The following AKAP13 variants were observed in gnomAD, a reference collection of about 807,000 sequenced individuals.
The protein encoded by AKAP13 is A-kinase anchoring protein 13.
Under a neutral mutation model 264.5 loss-of-function variants are expected in AKAP13, and 80 were observed. The observed-to-expected ratio is 0.30, with a 90% CI of 0.25 to 0.36. The LOEUF is 0.36. Among genes scored for constraint, AKAP13 ranks in the 10% least tolerant of loss-of-function variants. The pLI is 1.00. For missense variants in AKAP13, 3,712 were observed against 3,435.2 expected (o/e 1.08, Z -2.01); for synonymous variants, 1,380 against 1,250.2 (o/e 1.10, Z -2.19).
At chr15:85,714,991 C>G (rs2086844611) in intron 19 of AKAP13, among the ~76,000 whole-genome samples, 1 of 152,066 alleles carries the variant, frequency 6.6e-6, no homozygotes, top group African/African-American at 2.4e-5. Flanking sequence ...TTCTTTCAAT[C>G]TTATTTGCAG....
In AKAP13 at chr15:85,581,152, A is replaced by G. The variant is rs747158640; in HGVS notation, c.3084A>G (p.Ser1028=). 2 of 1,614,100 alleles carry G rather than the reference A, an allele frequency of 1.2e-6. No individual in the cohort carries two copies. The highest frequency in any genetic ancestry group is 2.2e-5 in the East Asian group (1 of 44,872). Residue 1028 remains serine, a synonymous_variant, in exon 7 of 37, where the codon TCA becomes TCG. Coordinates refer to ENST00000394518, the MANE Select transcript of AKAP13 (RefSeq NM_007200.5). ...VPPGASLATE[S]RQEALGAEHN... The stretch of plus-strand genomic sequence containing the variant: ...CAGGAGCAAGTCTGGCCACAGAGTC[A>G]AGGCAGGAAGCCTTGGGGGCAGAGC...
chr15:85,683,422 T>C (rs1047274873), intron 15 of AKAP13: 1 of 152,200 alleles, frequency 6.6e-6, no homozygotes, highest in Non-Finnish European at 1.5e-5. Flanking sequence ...ATGGATGCCT[T>C]TTCTATATAA....
intron 14 of AKAP13, among the ~76,000 whole-genome samples, chr15:85,678,202 GA>G (rs1215240216): frequency 6.6e-6 from 1 of 152,072 alleles, no homozygotes; most frequent in Non-Finnish European, 1.5e-5. Context: ...ACTTATAATA[GA>G]AAGTTAAATA....
At chr15:85,575,782 C>T (rs2078990419) in intron 6 of AKAP13, among the ~76,000 whole-genome samples, 1 of 152,088 alleles carries the variant, frequency 6.6e-6, no homozygotes, top group Non-Finnish European at 1.5e-5. Context: ...ATCACTTGAG[C>T]TCAGGAGTTT....
intron 11 of AKAP13, 81 bp from the exon 12 acceptor site, chr15:85,658,456 G>GT (rs914949761): frequency 1.7e-6 from 2 of 1,204,834 alleles, no homozygotes; most frequent in Non-Finnish European, 2.4e-6. Context: ...TCTCTCCCCA[G>GT]TGTGGTGTCT....
intron 7 of AKAP13, among the ~76,000 whole-genome samples, chr15:85,584,473 C>T (rs2079256980): frequency 6.6e-6 from 1 of 152,214 alleles, no homozygotes; most frequent in Non-Finnish European, 1.5e-5. Flanking sequence ...ATTACTCTGA[C>T]TCACTTAGAG....
chr15:85,571,700 G>T (rs2078823460), intron 5 of AKAP13, among the ~76,000 whole-genome samples: 1 of 152,342 alleles, frequency 6.6e-6, no homozygotes, highest in Admixed American at 6.5e-5. Context: ...TTGTTCGACA[G>T]AACAGGGATT....
At chr15:85,541,863 T>A (rs939475938) in intron 4 of AKAP13, among the ~76,000 whole-genome samples, 11 of 152,202 alleles carry the variant, frequency 7.2e-5, no homozygotes, top group Non-Finnish European at 1.6e-4. Flanking sequence ...GCTAAGACTT[T>A]CAGAAATTGA....
At chr15:85,554,553 ACTTACC>A (rs1422727202) in intron 5 of AKAP13, among the ~76,000 whole-genome samples, 5 of 151,822 alleles carry the variant, frequency 3.3e-5, no homozygotes, top group African/African-American at 4.8e-5. Flanking sequence ...GTTGCTTGAC[ACTTACC>A]CCACAAGCAG....
At chr15:85,403,191 T>G (rs1399386232) in intron 1 of AKAP13, among the ~76,000 whole-genome samples, 2 of 152,186 alleles carry the variant, frequency 1.3e-5, no homozygotes, top group East Asian at 1.9e-4. Flanking sequence ...CCTAAAAGAA[T>G]AATAGATATG....
intron 2 of AKAP13, among the ~76,000 whole-genome samples, chr15:85,490,172 G>A (rs1013682952): frequency 1.3e-5 from 2 of 152,194 alleles, no homozygotes; most frequent in Admixed American, 1.3e-4. Flanking sequence ...TTAGAGAGAG[G>A]AAAGATGGAG....
At chr15:85,406,743 G>A (rs552131126) in intron 1 of AKAP13, among the ~76,000 whole-genome samples, 2 of 151,724 alleles carry the variant, frequency 1.3e-5, no homozygotes, top group Non-Finnish European at 2.9e-5. Flanking sequence ...TTGTTTCTTT[G>A]CTAATTTTTG....
rs202022396 is a variant in AKAP13, at chr15:85,740,904, TTA to T, written c.7609-140_7609-139del. 1.3e-3 allele frequency: 1,870 copies of T among 1,392,358 alleles called. 22 individuals are homozygous for T. In the African/African-American group the frequency reaches 0.024, roughly 18 times the overall value. 86.3% of individuals were successfully genotyped at this position (1,392,358 alleles called of 1,614,324 possible). On this transcript the variant is annotated intron_variant, in intron 34 of 36. Transcript: ENST00000394518. ...CAGCTGCAATTATCCTGGAGCATTT[TTA>T]TGAGACGGGCTTGAAAAATGAGGGG...
chr15:85,744,208 CAA>C, intron 36 of AKAP13: 1 of 298,878 alleles, frequency 3.3e-6, no homozygotes, highest in Non-Finnish European at 6.3e-6. Flanking sequence ...CTGCTAACCC[CAA>C]GAGAAGTGAG....
At chr15:85,670,617 T>C (rs1301810076) in intron 14 of AKAP13, 1 of 151,488 alleles carries the variant, frequency 6.6e-6, no homozygotes, top group Non-Finnish European at 1.5e-5. Flanking sequence ...CATATCTCTT[T>C]AGTCCACTTT....
intron 36 of AKAP13, chr15:85,744,426 A>G (rs2089297658): frequency 3.4e-6 from 2 of 589,938 alleles, no homozygotes; most frequent in Non-Finnish European, 6.0e-6. Context: ...TTAAAAGTTA[A>G]AGGGAGCATT....
intron 16 of AKAP13, chr15:85,689,872 A>G (rs1217414079): frequency 6.6e-6 from 1 of 152,248 alleles, no homozygotes; most frequent in Non-Finnish European, 1.5e-5. Context: ...TGTCTTAAGG[A>G]AACAAGCAGC....
intron 14 of AKAP13, chr15:85,676,911 C>CGGGGA (rs1347853275): frequency 2.9e-5 from 29 of 984,224 alleles, no homozygotes; most frequent in Admixed American, 6.2e-5. Context: ...GCTGTTTCCC[C>CGGGGA]ATGTGCTGAA....
chr15:85,616,636 G>A (rs2151408761), intron 8 of AKAP13, among the ~76,000 whole-genome samples: 1 of 152,288 alleles, frequency 6.6e-6, no homozygotes, highest in South Asian at 2.1e-4. Context: ...AAAGAAAAGG[G>A]AAATAAACTC....
Sources: allele counts gnomAD v4.1 joint callset (sites outside exome capture counted in the v4.1 genomes callset), GRCh38; gene constraint gnomAD v4.1.1; transcripts MANE v1.5; gene names NCBI Gene and HGNC (gene_info 2026-07-23, HGNC 2026-07-21).